Variants in TANC2 observed in about 807,000 individuals in gnomAD.
TANC2 encodes tetratricopeptide repeat, ankyrin repeat and coiled-coil containing 2.
TANC2 carries 26 observed loss-of-function variants against 210.5 expected under a neutral mutation model. The ratio of observed to expected loss-of-function variants is 0.12; its 90% CI spans 0.09 to 0.17. The LOEUF is 0.17. Ranked by LOEUF, TANC2 falls within the 10% of genes least tolerant of loss-of-function variation. TANC2 has a pLI of 1.00. For synonymous variants in TANC2, 931 were observed against 967.1 expected, an observed-to-expected ratio of 0.96 and a Z score of 0.69; for missense variants, 2,129 against 2,608.9, an observed-to-expected ratio of 0.82 and a Z score of 4.01.
intron 4 of TANC2, among the ~76,000 whole-genome samples, chr17:63,110,349 A>C (rs189797246): frequency 6.6e-6 from 1 of 151,880 alleles, no homozygotes; most frequent in Non-Finnish European, 1.5e-5. Context: ...TGTCCTCTTA[A>C]TGATGTTTAT....
At chr17:63,362,694 G>A (rs1030564713) in intron 14 of TANC2, among the ~76,000 whole-genome samples, 6 of 152,226 alleles carry the variant, frequency 3.9e-5, no homozygotes. Flanking sequence ...TCACAACAGT[G>A]CCCAGCTTCA....
chr17:63,384,185 T>C (rs947712728), intron 15 of TANC2, among the ~76,000 whole-genome samples: 1 of 152,114 alleles, frequency 6.6e-6, no homozygotes, highest in Non-Finnish European at 1.5e-5. Context: ...TCTTCCCACC[T>C]CAGCCTCCCA....
At chr17:63,356,251 T>C (rs541910961) in intron 14 of TANC2, among the ~76,000 whole-genome samples, 1 of 152,320 alleles carries the variant, frequency 6.6e-6, no homozygotes, top group East Asian at 1.9e-4. Flanking sequence ...GGTCGGGGTG[T>C]GCTTTTACTC....
chr17:63,210,298 A>G (rs577660096), intron 7 of TANC2, among the ~76,000 whole-genome samples: 25 of 152,258 alleles, frequency 1.6e-4, no homozygotes, highest in African/African-American at 5.3e-4. Context: ...TGGTTCCACA[A>G]TTTCTCTGTT....
At chr17:63,177,757 C>A (rs1431399820) in intron 5 of TANC2, among the ~76,000 whole-genome samples, 2 of 152,124 alleles carry the variant, frequency 1.3e-5, no homozygotes, top group Non-Finnish European at 2.9e-5. Flanking sequence ...CAGCCAGGAG[C>A]TTCTCCTGGT....
chr17:63,226,015 CT>C (rs1220363082), intron 7 of TANC2, among the ~76,000 whole-genome samples: 15 of 152,168 alleles, frequency 9.9e-5, no homozygotes, highest in African/African-American at 3.6e-4. Flanking sequence ...AAATATCACA[CT>C]TGTCACCACC....
chr17:63,316,524 C>G (rs11650872), intron 10 of TANC2, among the ~76,000 whole-genome samples: 2 of 152,186 alleles, frequency 1.3e-5, no homozygotes, highest in Non-Finnish European at 2.9e-5. Flanking sequence ...AAGTTATTCT[C>G]TAACATCCAT....
chr17:63,122,240 G>A (rs2038513481), intron 4 of TANC2, among the ~76,000 whole-genome samples: 1 of 152,126 alleles, frequency 6.6e-6, no homozygotes. Context: ...CTTTTTAATT[G>A]TTTAATCTAG....
chr17:63,304,619 C>T (rs902851237), intron 9 of TANC2, among the ~76,000 whole-genome samples: 5 of 152,090 alleles, frequency 3.3e-5, no homozygotes, highest in Non-Finnish European at 5.9e-5. Flanking sequence ...CCTTGGTGGA[C>T]GGGGGTGCTT....
rs1332012405 is a variant in TANC2, at chr17:63,008,959, T to G, written c.-23-578T>G. Among the ~76,000 whole-genome samples, 6 of 152,298 alleles carry G rather than the reference T, an allele frequency of 3.9e-5. No homozygotes were observed. The East Asian group carries it at 9.6e-4, about 24-fold the overall frequency. On this transcript the variant is annotated intron_variant, in intron 1 of 27. Coordinates refer to ENST00000689528, the Ensembl canonical transcript of TANC2. ...TATAGCTACCTAATTATGTTTTCTA[T>G]TGCTCTGCATCCTCAGTGATATCTA...
intron 11 of TANC2, among the ~76,000 whole-genome samples, chr17:63,328,394 G>GTA (rs945043675): frequency 1.3e-5 from 2 of 151,680 alleles, no homozygotes; most frequent in African/African-American, 4.8e-5. Context: ...GTGTGTGTGT[G>GTA]TGTGTGTGTG....
At chr17:63,242,698 C>G (rs537982532) in intron 8 of TANC2, among the ~76,000 whole-genome samples, 1 of 152,150 alleles carries the variant, frequency 6.6e-6, no homozygotes, top group South Asian at 2.1e-4. Context: ...ATAATCATCA[C>G]AGTTTTATTT....
At chr17:63,113,135 C>G (rs573595938) in intron 4 of TANC2, among the ~76,000 whole-genome samples, 48 of 152,160 alleles carry the variant, frequency 3.2e-4, no homozygotes, top group Non-Finnish European at 5.1e-4. Context: ...ATCCACGATT[C>G]AAAAGAAAGC....
chr17:63,298,035 T>C (rs2044591042), intron 9 of TANC2, among the ~76,000 whole-genome samples: 1 of 151,910 alleles, frequency 6.6e-6, no homozygotes, highest in African/African-American at 2.4e-5. Flanking sequence ...ATGGCTGTAA[T>C]AAAAACAAAA....
chr17:63,055,965 C>CAAAA lies in TANC2; in HGVS notation c.68-17955_68-17952dup, dbSNP rs869063496. Among the ~76,000 whole-genome samples the CAAAA allele has an allele frequency of 1.1e-3, 57 of 52,580 alleles. 1 individual carries two copies. Among genetic ancestry groups the CAAAA allele is most frequent in the African/African-American group, 3.7e-3 (51 of 13,762 alleles). 34.5% of individuals were successfully genotyped at this position (52,580 alleles called of 152,430 possible). A position where few individuals can be genotyped will look rare whatever the true frequency, so the allele number is the denominator to read the frequency against. On this transcript the variant is annotated intron_variant, in intron 2 of 27. Transcript: ENST00000689528. ...CAACGTAGTGAGACCTCATCTCTAC[C>CAAAA]AAAAAAAAAAAAAAAAAAAAAAAAA... is the stretch of plus-strand genomic sequence containing the variant.
chr17:63,351,600 C>CTCTCAGAT lies in TANC2; in HGVS notation c.1974+187_1974+194dup, dbSNP rs569649419. Among the ~76,000 whole-genome samples, 42 of 152,248 alleles carry CTCTCAGAT rather than the reference C, an allele frequency of 2.8e-4. No homozygotes were observed. In the South Asian group the frequency reaches 8.7e-3, roughly 32 times the overall value. On this transcript the variant is annotated intron_variant, in intron 13 of 27. Coordinates refer to ENST00000689528, the Ensembl canonical transcript of TANC2. ...CTAGAAAGACATTCTTTATACGTGA[C>CTCTCAGAT]TCTCAGATTCCCATTTCTGTTGCTC...
intron 17 of TANC2, chr17:63,390,131 A>G (rs1400806327): frequency 6.6e-6 from 1 of 152,516 alleles, no homozygotes; most frequent in Admixed American, 6.5e-5. Flanking sequence ...TGTTTGCTTT[A>G]TGTATAAAAA....
chr17:63,398,328 T>C (rs2048234319), intron 18 of TANC2, among the ~76,000 whole-genome samples: 2 of 151,922 alleles, frequency 1.3e-5, no homozygotes, highest in South Asian at 4.2e-4. Context: ...TGGTGGTGCA[T>C]GCCTGTAGTC....
chr17:63,118,516 CA>C (rs1173297854), intron 4 of TANC2, among the ~76,000 whole-genome samples: 1 of 152,040 alleles, frequency 6.6e-6, no homozygotes, highest in Non-Finnish European at 1.5e-5. Context: ...CTTGGTTTTT[CA>C]AAATTAGGAT....
Sources: allele counts gnomAD v4.1 joint callset (sites outside exome capture counted in the v4.1 genomes callset), GRCh38; gene constraint gnomAD v4.1.1; transcripts MANE v1.5; gene names NCBI Gene and HGNC (gene_info 2026-07-23, HGNC 2026-07-21).